Variants in UGT8 observed in about 807,000 individuals in gnomAD.
UGT8 encodes 2-hydroxyacylsphingosine 1-beta-galactosyltransferase.
In UGT8, 12 loss-of-function variants were observed where a neutral mutation model predicts 40.5. That is an observed-to-expected ratio of 0.30 (90% CI 0.19 to 0.48). UGT8 has a LOEUF of 0.48. Among genes scored for constraint, UGT8 ranks in the 20% least tolerant of loss-of-function variants. The pLI, the probability that UGT8 is intolerant of heterozygous loss-of-function variation, is 0.99. For synonymous variants in UGT8, 224 were observed against 240.4 expected, an observed-to-expected ratio of 0.93 and a Z score of 0.63; for missense variants, 513 against 648.7, an observed-to-expected ratio of 0.79 and a Z score of 2.27.
At chr4:114,654,612 T>C (rs1397921274) in intron 2 of UGT8, among the ~76,000 whole-genome samples, 1 of 152,106 alleles carries the variant, frequency 6.6e-6, no homozygotes, top group East Asian at 1.9e-4. Flanking sequence ...GCTGAGACTT[T>C]AGTTGAGCTA....
At chr4:114,617,757 T>C (rs1731529482) in intron 1 of UGT8, among the ~76,000 whole-genome samples, 1 of 152,174 alleles carries the variant, frequency 6.6e-6, no homozygotes, top group African/African-American at 2.4e-5. Context: ...AGAATTTGGT[T>C]AGAATTGTGG....
intron 1 of UGT8, among the ~76,000 whole-genome samples, chr4:114,604,471 T>TC (rs1730617931): frequency 1.3e-5 from 2 of 150,456 alleles, no homozygotes; most frequent in African/African-American, 4.9e-5. Context: ...TTTTTTTTTT[T>TC]TCCCCCAATT....
intron 2 of UGT8, chr4:114,663,626 A>G (rs1734683407): frequency 1.0e-5 from 10 of 952,610 alleles, no homozygotes; most frequent in African/African-American, 1.8e-5. Flanking sequence ...AGTATGATTG[A>G]TTTTTCATAT....
chr4:114,672,868 C>T (rs1053321092), intron 5 of UGT8, among the ~76,000 whole-genome samples: 4 of 152,144 alleles, frequency 2.6e-5, no homozygotes, highest in Non-Finnish European at 4.4e-5. Flanking sequence ...ACACATCTTA[C>T]GTCTCTGTTT....
At position 114,668,163 on chromosome 4, in the gene UGT8, T is replaced by C; in HGVS notation, c.1121T>C (p.Val374Ala). The change falls in exon 5 of 6, where the codon GTA becomes GCA. Residue 374 changes from valine (V) to alanine (A), a missense_variant. Physicochemically the swap from Val to Ala is moderately conservative, Grantham distance 64 (BLOSUM62 0). Around this residue, in one of 3 missense-constraint regions of UGT8, gnomAD observed 3 missense variants for 17.2 expected, o/e 0.17. Transcript: ENST00000310836. ...GAAACTATATATCATGGTGTGCCTG[T>C]AGTGGGAATTCCACTCTTTGGAGAC... ...IFETIYHGVP[V>A]VGIPLFGDHY... 6.2e-7 allele frequency: 1 copy of C among 1,613,906 alleles called. No individual in the cohort carries two copies.
At chr4:114,637,713 G>A (rs763100778) in intron 2 of UGT8, among the ~76,000 whole-genome samples, 25 of 152,064 alleles carry the variant, frequency 1.6e-4, no homozygotes, top group Non-Finnish European at 3.1e-4. Flanking sequence ...CCTTCATCAC[G>A]CAGAGTTAAT....
intron 2 of UGT8, among the ~76,000 whole-genome samples, chr4:114,640,620 A>G (rs567829327): frequency 6.6e-6 from 1 of 152,160 alleles, no homozygotes; most frequent in African/African-American, 2.4e-5. Context: ...TTTACAAAGG[A>G]AAGTGGTTTA....
At chr4:114,608,605 A>C (rs1400924781) in intron 1 of UGT8, among the ~76,000 whole-genome samples, 2 of 152,128 alleles carry the variant, frequency 1.3e-5, no homozygotes, top group African/African-American at 2.4e-5. Context: ...AATGGAAAAA[A>C]AAGTTTGATA....
chr4:114,612,976 C>T (rs895991825), intron 1 of UGT8, among the ~76,000 whole-genome samples: 2 of 152,092 alleles, frequency 1.3e-5, no homozygotes, highest in Admixed American at 6.6e-5. Flanking sequence ...TCTCATTAAA[C>T]CTATTCTTAA....
intron 2 of UGT8, among the ~76,000 whole-genome samples, chr4:114,629,701 A>C (rs1324245607): frequency 6.6e-6 from 1 of 152,212 alleles, no homozygotes; most frequent in African/African-American, 2.4e-5. Context: ...AAATTTTCTA[A>C]GCAACATTGT....
chr4:114,667,930 T>C, intron 4 of UGT8, 155 bp from the exon 5 acceptor site: 1 of 982,108 alleles, frequency 1.0e-6, no homozygotes, highest in Non-Finnish European at 1.2e-6. Flanking sequence ...AATATTTTAA[T>C]TGGTGTAGAG....
At chr4:114,600,675 C>A (rs906341775) in intron 1 of UGT8, among the ~76,000 whole-genome samples, 1 of 152,052 alleles carries the variant, frequency 6.6e-6, no homozygotes, top group African/African-American at 2.4e-5. Flanking sequence ...TTAAGAGTAA[C>A]CATACTTTGT....
intron 2 of UGT8, among the ~76,000 whole-genome samples, chr4:114,661,089 A>G (rs763393273): frequency 1.3e-5 from 2 of 151,714 alleles, no homozygotes; most frequent in Non-Finnish European, 2.9e-5. Flanking sequence ...TTCTTCATGT[A>G]TATTTGGTAT....
intron 1 of UGT8, chr4:114,622,259 C>G (rs1731853805): frequency 6.6e-6 from 1 of 151,552 alleles, no homozygotes; most frequent in Non-Finnish European, 1.5e-5. Flanking sequence ...CCAATTTCAT[C>G]CATGTCCCTA....
At chr4:114,655,467 G>A (rs1466213071) in intron 2 of UGT8, among the ~76,000 whole-genome samples, 1 of 152,038 alleles carries the variant, frequency 6.6e-6, no homozygotes, top group East Asian at 1.9e-4. Context: ...CTTGTTGATA[G>A]TAAACCATGT....
intron 2 of UGT8, among the ~76,000 whole-genome samples, chr4:114,642,431 C>T (rs1044883434): frequency 5.3e-5 from 8 of 152,176 alleles, no homozygotes; most frequent in Non-Finnish European, 1.0e-4. Context: ...CATATGATTA[C>T]AATTTTTGGG....
chr4:114,621,937 AT>A (rs1049836170), intron 1 of UGT8, among the ~76,000 whole-genome samples: 4 of 151,918 alleles, frequency 2.6e-5, no homozygotes, highest in Non-Finnish European at 4.4e-5. Context: ...TTAGTGTATA[AT>A]ACTATAGAAT....
intron 1 of UGT8, among the ~76,000 whole-genome samples, chr4:114,602,226 A>G (rs1284141022): frequency 6.6e-6 from 1 of 152,212 alleles, no homozygotes; most frequent in East Asian, 1.9e-4. Flanking sequence ...TGATAGGCCC[A>G]GATCGTCTTT....
At chr4:114,619,383 A>G (rs1731637471) in intron 1 of UGT8, 1 of 152,220 alleles carries the variant, frequency 6.6e-6, no homozygotes, top group South Asian at 2.1e-4. Context: ...GTATTTTTTC[A>G]TCATATGTTA....
Sources: gnomAD v4.1 joint callset for allele counts (sites outside exome capture counted in the v4.1 genomes callset) on GRCh38, gnomAD v4.1.1 for gene constraint, gnomAD v4.1.1 regional missense constraint, MANE v1.5 for transcripts, NCBI Gene and HGNC (gene_info 2026-07-23, HGNC 2026-07-21) for gene names.